VSIG1: variants seen among roughly 807,000 people sequenced by gnomAD.
VSIG1 encodes V-set and immunoglobulin domain containing 1.
In VSIG1, 11 loss-of-function variants were observed where a neutral mutation model predicts 20.1. The ratio of observed to expected loss-of-function variants is 0.55; its 90% confidence interval spans 0.34 to 0.91. The LOEUF is 0.91. Ranked by LOEUF, VSIG1 falls within the 40% of genes least tolerant of loss-of-function variation. VSIG1 has a pLI of 0.02. For missense variants in VSIG1, 283 were observed against 298.8 expected (o/e 0.95, Z 0.39); for synonymous variants, 126 against 116.7 (o/e 1.08, Z -0.52).
rs1038734915 is a variant in VSIG1, at chrX:108,066,847, A to G, written c.214-89A>G. 1.8e-5 allele frequency: 16 copies of G among 880,852 alleles called. No individual in the cohort carries two copies. In the East Asian group the frequency reaches 3.5e-4, roughly 19 times the overall value. 72.6% of individuals were successfully genotyped at this position (880,852 alleles called of 1,213,427 possible). ...GGGGGGAAGATGCTGCTTCTTTATC[A>G]AAGGTAATGTGTTTAGAAGAAGCTT... On this transcript the variant is annotated intron_variant, in intron 2 of 6. Coordinates refer to ENST00000217957, the MANE Select transcript of VSIG1 (RefSeq NM_182607.5).
intron 2 of VSIG1, among the ~76,000 whole-genome samples, chrX:108,063,386 A>C (rs1362644003): frequency 9.0e-6 from 1 of 111,432 alleles, no homozygotes; most frequent in Non-Finnish European, 1.9e-5. Flanking sequence ...GGCTCCCTCT[A>C]TTGAGGCCTC....
At chrX:108,075,991 G>T in intron 5 of VSIG1, 86 bp from the exon 6 acceptor site, 1 of 1,109,218 alleles carries the variant, frequency 9.0e-7, no homozygotes, top group Non-Finnish European at 1.2e-6. Flanking sequence ...TATGTGAATG[G>T]CCCTGATATT....
At chrX:108,047,959 C>CATATATAT (rs1288556783) in intron 1 of VSIG1, among the ~76,000 whole-genome samples, 5 of 14,810 alleles carry the variant, frequency 3.4e-4, no homozygotes, top group Admixed American at 5.9e-4. Flanking sequence ...TATATACACA[C>CATATATAT]ACATATATAT....
intron 1 of VSIG1, among the ~76,000 whole-genome samples, chrX:108,046,129 T>C (rs2030571426): frequency 8.9e-6 from 1 of 112,046 alleles, no homozygotes; most frequent in South Asian, 3.8e-4. Flanking sequence ...TCCCAGCTTT[T>C]CATACTTCCT....
rs1248753206 is a variant in VSIG1, at chrX:108,077,133, TC to T, written c.918del (p.Ile307PhefsTer67). ...CCAACTAGAAGTAACTCTACCATCT[TC>T]CATTCATGAGACTGGCCCTGATACC... ...ATQLEVTLPSSIHETGPDTIQ... is the reference protein window; with the variant it reads ...ATQLEVTLPSXIHETGPDTIQ... On this transcript the variant is annotated frameshift_variant, in exon 7 of 7. Transcript: ENST00000217957. LOFTEE classifies it low-confidence loss of function (END_TRUNC). The T allele has an allele frequency of 1.7e-5, 21 of 1,211,813 alleles. No homozygotes were observed. The highest frequency in any genetic ancestry group is 2.3e-5 in the Non-Finnish European group (21 of 895,533).
the VSIG1 span, among the ~76,000 whole-genome samples, chrX:108,036,206 T>G: frequency 9.4e-6 from 1 of 106,252 alleles, no homozygotes; most frequent in Non-Finnish European, 1.9e-5. Flanking sequence ...GTATGGCATT[T>G]TTAAGAAGTG....
At chrX:108,056,792 A>G (rs1406583142) in intron 1 of VSIG1, among the ~76,000 whole-genome samples, 3 of 112,496 alleles carry the variant, frequency 2.7e-5, no homozygotes, top group Admixed American at 1.9e-4. Context: ...GGTGAGGGGA[A>G]TGTATAAAGG....
chrX:108,073,297 C>T lies in VSIG1; in HGVS notation c.616C>T (p.Gln206Ter). 1 of 1,211,037 alleles carries T rather than the reference C, an allele frequency of 8.3e-7. No homozygotes were observed. The highest frequency in any genetic ancestry group is 1.8e-5 in the South Asian group (1 of 56,857). ...LVIGNLTNFEQGYYQCTAINR... is the reference protein window; with the variant it reads ...LVIGNLTNFE ...CATTGGAAATCTGACAAATTTTGAACAAGGTTATTACCAGTGTACTGCCAT... is the reference window on the plus strand; with the variant it reads ...CATTGGAAATCTGACAAATTTTGAATAAGGTTATTACCAGTGTACTGCCAT... Residue 206 changes from glutamine to a stop codon, truncating the protein, a stop_gained, in exon 5 of 7, where the codon CAA (glutamine) becomes TAA (stop). Coordinates refer to ENST00000217957, the MANE Select transcript of VSIG1 (RefSeq NM_182607.5). LOFTEE classifies it high-confidence loss of function.
the VSIG1 span, among the ~76,000 whole-genome samples, chrX:108,028,073 A>C: frequency 8.9e-6 from 1 of 111,835 alleles, no homozygotes; most frequent in East Asian, 2.8e-4. Context: ...CATCCAAGGC[A>C]GAAGCTCAGG....
the VSIG1 span, among the ~76,000 whole-genome samples, chrX:108,039,488 C>T: frequency 8.9e-6 from 1 of 112,125 alleles, no homozygotes; most frequent in Non-Finnish European, 1.9e-5. Context: ...AGCTACCACA[C>T]CCAGCCTCTA....
At chrX:108,044,088 A>G (rs2147912712), upstream of VSIG1, among the ~76,000 whole-genome samples, 1 of 111,882 alleles carries the variant, frequency 8.9e-6, no homozygotes, top group Admixed American at 9.5e-5. Flanking sequence ...ACCACTTAGG[A>G]AGCTGCTATG....
In VSIG1 at chrX:108,057,951, AG is replaced by A. The variant is rs2030937590; in HGVS notation, c.50-85del. 4.3e-6 allele frequency: 4 copies of A among 925,509 alleles called. No individual in the cohort carries two copies. In the East Asian group the frequency reaches 1.3e-4, roughly 31 times the overall value. The allele number at this position is 925,509 out of a possible 1,213,427, so 76.3% of individuals were successfully genotyped here. ...TCCCCTCACCTTGGATTCCTCAAAT[AG>A]GATGTCTTTGTAAGTGTTCTGTGAT... is the stretch of plus-strand genomic sequence containing the variant. On this transcript the variant is annotated intron_variant, in intron 1 of 6. Transcript: ENST00000217957.
chrX:108,057,177 T>C (rs112876735), intron 1 of VSIG1, among the ~76,000 whole-genome samples: 132 of 112,449 alleles, frequency 1.2e-3, no homozygotes, highest in African/African-American at 3.9e-3. Context: ...ATAACATTTA[T>C]GAAGTGACAG....
intron 5 of VSIG1, among the ~76,000 whole-genome samples, chrX:108,075,700 G>T (rs2031334401): frequency 9.0e-6 from 1 of 111,452 alleles, no homozygotes; most frequent in East Asian, 2.8e-4. Context: ...TGACGCCATG[G>T]GGGAGGTTTT....
At chrX:108,048,974 A>G (rs748834108) in intron 1 of VSIG1, among the ~76,000 whole-genome samples, 23 of 112,411 alleles carry the variant, frequency 2.0e-4, no homozygotes, top group African/African-American at 7.1e-4. Context: ...ATCTGGAAAT[A>G]TATAACTTTT....
intron 3 of VSIG1, among the ~76,000 whole-genome samples, chrX:108,067,429 ATCCACTG>A (rs768196456): frequency 1.3e-4 from 15 of 111,573 alleles, no homozygotes; most frequent in Non-Finnish European, 2.4e-4. Flanking sequence ...AGATGAGACA[ATCCACTG>A]TCCCACAAAA....
intron 2 of VSIG1, chrX:108,064,697 A>G (rs768271606): frequency 1.3e-6 from 1 of 743,111 alleles, no homozygotes; most frequent in East Asian, 1.5e-4. Context: ...CTGATGTTTT[A>G]CACTGTCCAC....
At chrX:108,042,604 G>A (rs1050120145), upstream of VSIG1, among the ~76,000 whole-genome samples, 5 of 111,389 alleles carry the variant, frequency 4.5e-5, no homozygotes, top group Non-Finnish European at 5.7e-5. Flanking sequence ...TATAAATTTC[G>A]CTCCCCATCC....
At chrX:108,057,946 CA>C in intron 1 of VSIG1, 91 bp from the exon 2 acceptor site, 2 of 930,031 alleles carry the variant, frequency 2.2e-6, no homozygotes, top group Middle Eastern at 8.1e-4. Context: ...TTGGATTCCT[CA>C]AATAGGATGT....
Sources: gnomAD v4.1 joint callset for allele counts (sites outside exome capture counted in the v4.1 genomes callset) on GRCh38, gnomAD v4.1.1 for gene constraint, MANE v1.5 for transcripts, NCBI Gene and HGNC (gene_info 2026-07-23, HGNC 2026-07-21) for gene names.